The following APBB2 variants were observed in gnomAD, a reference collection of about 807,000 sequenced individuals.
The protein encoded by APBB2 is Fe65-like 1.
APBB2 carries 38 observed loss-of-function variants against 82.5 expected under a neutral mutation model. That is an observed-to-expected ratio of 0.46 (90% confidence interval 0.36 to 0.60). The LOEUF is 0.60. Ranked by LOEUF, APBB2 falls within the 20% of genes least tolerant of loss-of-function variation. APBB2 has a pLI of 0.00. For missense variants in APBB2, 772 were observed against 972.3 expected, an observed-to-expected ratio of 0.79 and a Z score of 2.74; for synonymous variants, 341 against 368.2, an observed-to-expected ratio of 0.93 and a Z score of 0.85.
chr4:40,835,287 A>T (rs2154306412), intron 12 of APBB2, among the ~76,000 whole-genome samples: 1 of 152,176 alleles, frequency 6.6e-6, no homozygotes, highest in East Asian at 1.9e-4. Context: ...AAAAAAAAAA[A>T]AAAAAATTCA....
chr4:40,907,371 A>G (rs1232316855), intron 10 of APBB2, among the ~76,000 whole-genome samples: 1 of 43,102 alleles, frequency 2.3e-5, no homozygotes, highest in African/African-American at 1.3e-4. Flanking sequence ...ATATATATAT[A>G]TATATATATT....
chr4:40,956,633 A>C (rs1244910191), intron 6 of APBB2, among the ~76,000 whole-genome samples: 2 of 151,536 alleles, frequency 1.3e-5, no homozygotes, highest in African/African-American at 2.4e-5. Context: ...AAAAAAAAAA[A>C]CCTTAACAGT....
chr4:41,208,166 A>G (rs1224678391), intron 1 of APBB2, among the ~76,000 whole-genome samples: 1 of 152,172 alleles, frequency 6.6e-6, no homozygotes, highest in Non-Finnish European at 1.5e-5. Flanking sequence ...TTCTTCAACA[A>G]TGGCATTTCC....
chr4:40,966,846 C>T (rs78839827), intron 6 of APBB2, among the ~76,000 whole-genome samples: 3 of 152,084 alleles, frequency 2.0e-5, no homozygotes, highest in Non-Finnish European at 2.9e-5. Context: ...AGGTTAATGG[C>T]GGCAGGAGGC....
chr4:41,157,789 G>A (rs1292411263), intron 1 of APBB2, among the ~76,000 whole-genome samples: 2 of 152,110 alleles, frequency 1.3e-5, no homozygotes, highest in African/African-American at 2.4e-5. Context: ...TCAGGAGTTC[G>A]GGACCAGCCT....
At chr4:40,880,562 G>T in intron 12 of APBB2, 1 of 985,428 alleles carries the variant, frequency 1.0e-6, no homozygotes, top group Non-Finnish European at 1.2e-6. Context: ...GTTTACATGG[G>T]TTGTTAGGCT....
At chr4:40,985,084 A>AT (rs545253152) in intron 6 of APBB2, among the ~76,000 whole-genome samples, 130 of 147,518 alleles carry the variant, frequency 8.8e-4, no homozygotes, top group Middle Eastern at 3.6e-3. Flanking sequence ...CACCCAGCTA[A>AT]TTTTTTTTTT....
At chr4:40,954,817 T>C (rs541912685) in intron 6 of APBB2, among the ~76,000 whole-genome samples, 24 of 152,134 alleles carry the variant, frequency 1.6e-4, no homozygotes, top group Non-Finnish European at 3.1e-4. Flanking sequence ...GCACACACCA[T>C]CACACCCGGG....
chr4:40,841,441 G>A (rs1577873938), intron 12 of APBB2, among the ~76,000 whole-genome samples: 1 of 152,080 alleles, frequency 6.6e-6, no homozygotes, highest in African/African-American at 2.4e-5. Context: ...TCAATCAAAC[G>A]GGCAGGCGGA....
chr4:41,049,376 G>A (rs1483887195), intron 4 of APBB2, among the ~76,000 whole-genome samples: 1 of 147,438 alleles, frequency 6.8e-6, no homozygotes, highest in Non-Finnish European at 1.5e-5. Flanking sequence ...GAGGTGGGGG[G>A]TCAGCCCCCG....
intron 10 of APBB2, among the ~76,000 whole-genome samples, chr4:40,918,355 T>TAA (rs1780350376): frequency 6.6e-6 from 1 of 152,234 alleles, no homozygotes; most frequent in South Asian, 2.1e-4. Flanking sequence ...CACCAACACA[T>TAA]GCTTGAGTGC....
At chr4:41,188,422 G>A (rs886241095) in intron 1 of APBB2, among the ~76,000 whole-genome samples, 4 of 152,100 alleles carry the variant, frequency 2.6e-5, no homozygotes, top group African/African-American at 9.7e-5. Flanking sequence ...CTGGGAGGTG[G>A]GGTCTTTAAG....
chr4:41,141,825 T>C (rs966188628), intron 2 of APBB2, among the ~76,000 whole-genome samples: 1 of 152,134 alleles, frequency 6.6e-6, no homozygotes, highest in African/African-American at 2.4e-5. Flanking sequence ...ATAAGACTCA[T>C]TACCTATCAC....
chr4:40,948,987 T>C (rs1337765772), intron 6 of APBB2, among the ~76,000 whole-genome samples: 1 of 151,148 alleles, frequency 6.6e-6, no homozygotes, highest in Non-Finnish European at 1.5e-5. Context: ...GTTATCAAAC[T>C]GGGGAAGAAG....
chr4:40,872,958 C>T (rs1398626515), intron 12 of APBB2, among the ~76,000 whole-genome samples: 1 of 151,740 alleles, frequency 6.6e-6, no homozygotes, highest in Non-Finnish European at 1.5e-5. Context: ...CGTGGTGTTG[C>T]GTGCCTGTAA....
chr4:41,102,348 G>A (rs1021806353), intron 2 of APBB2, among the ~76,000 whole-genome samples: 6 of 152,146 alleles, frequency 3.9e-5, no homozygotes, highest in African/African-American at 1.4e-4. Context: ...GTTCTTCTCT[G>A]TGTCTTACAT....
At chr4:41,051,359 A>G (rs371668669) in intron 4 of APBB2, among the ~76,000 whole-genome samples, 1 of 152,236 alleles carries the variant, frequency 6.6e-6, no homozygotes, top group African/African-American at 2.4e-5. Flanking sequence ...ACACACTTAC[A>G]TGGATCTCTT....
At chr4:40,933,174 T>C (rs1304887340) in intron 10 of APBB2, among the ~76,000 whole-genome samples, 1 of 152,182 alleles carries the variant, frequency 6.6e-6, no homozygotes, top group Non-Finnish European at 1.5e-5. Flanking sequence ...GTTAATGTGT[T>C]TTTTAATTGC....
At chr4:40,916,665 G>C (rs1426290501) in intron 10 of APBB2, among the ~76,000 whole-genome samples, 2 of 152,198 alleles carry the variant, frequency 1.3e-5, no homozygotes, top group East Asian at 3.8e-4. Context: ...CAGACAGGGA[G>C]AAACTGAAGG....
Sources: allele counts gnomAD v4.1 joint callset (sites outside exome capture counted in the v4.1 genomes callset), GRCh38; gene constraint gnomAD v4.1.1; transcripts MANE v1.5; gene names NCBI Gene and HGNC (gene_info 2026-07-23, HGNC 2026-07-21).